The following CASK variants were observed in gnomAD, a reference collection of about 807,000 sequenced individuals.
The protein encoded by CASK is peripheral plasma membrane protein CASK.
In CASK, 4 loss-of-function variants were observed where a neutral mutation model predicts 82.9. That is an observed-to-expected ratio of 0.05 (90% CI 0.02 to 0.11). CASK has a LOEUF of 0.11. Ranked by LOEUF, CASK falls within the 10% of genes least tolerant of loss-of-function variation. The pLI is 1.00. For missense variants in CASK, 358 were observed against 720.9 expected (o/e 0.50, Z 5.76); for synonymous variants, 259 against 253.5 (o/e 1.02, Z -0.20).
rs2072816983 is a variant in CASK, at chrX:41,923,111, C to G, written c.-123G>C. 1 of 530,953 alleles carries G rather than the reference C, an allele frequency of 1.9e-6. No homozygotes were observed. The highest frequency in any genetic ancestry group is 3.2e-5 in the Admixed American group (1 of 31,736). 43.8% of individuals were successfully genotyped at this position (530,953 alleles called of 1,213,427 possible). A position where few individuals can be genotyped will look rare whatever the true frequency, so the allele number is the denominator to read the frequency against. ...CTCAGGACCCGCGAGCCCTCGGTGC[C>G]GAGGACGCTCGAGTGGGGCCGCGAG... On this transcript the variant is annotated 5_prime_UTR_variant, in exon 1 of 27. Coordinates refer to ENST00000378163, the MANE Select transcript of CASK (RefSeq NM_001367721.1).
chrX:41,684,417 G>A (rs896731976), intron 5 of CASK, among the ~76,000 whole-genome samples: 4 of 111,933 alleles, frequency 3.6e-5, no homozygotes, highest in Non-Finnish European at 5.6e-5. Context: ...GGACATTCTA[G>A]AAAGTAACTG....
At position 41,561,591 on chromosome X, in the gene CASK, T is replaced by C; in HGVS notation, c.1636A>G (p.Asn546Asp). ...TTTTGCAGTTGTTCCACTGTTTGGTTAGCCACACTGATGCCATTGATTTCT... is the reference window on the plus strand; with the variant it reads ...TTTTGCAGTTGTTCCACTGTTTGGTCAGCCACACTGATGCCATTGATTTCT... ...IREINGISVANQTVEQLQKML... is the reference protein window; with the variant it reads ...IREINGISVADQTVEQLQKML... Residue 546 changes from asparagine (N) to aspartate (D), a missense_variant, in exon 17 of 27, where the codon AAC (asparagine) becomes GAC (aspartate). By Grantham distance (23) the Asn-to-Asp change is conservative (BLOSUM62 1). Coordinates refer to ENST00000378163, the MANE Select transcript of CASK (RefSeq NM_001367721.1). 8.3e-7 allele frequency: 1 copy of C among 1,205,686 alleles called. No individual in the cohort carries two copies. The highest frequency in any genetic ancestry group is 1.1e-6 in the Non-Finnish European group (1 of 889,906).
chrX:41,901,828 A>AT (rs1292758852), intron 1 of CASK, among the ~76,000 whole-genome samples: 1 of 111,677 alleles, frequency 9.0e-6, no homozygotes, highest in African/African-American at 3.3e-5. Flanking sequence ...TGGGTCCATA[A>AT]AGCTCAATCT....
intron 2 of CASK, among the ~76,000 whole-genome samples, chrX:41,816,635 G>C (rs1382836261): frequency 2.8e-5 from 3 of 108,317 alleles, no homozygotes; most frequent in Non-Finnish European, 5.8e-5. Context: ...AAAAAAAAGA[G>C]AGAAAACACA....
chrX:41,787,241 G>A lies in CASK; in HGVS notation c.215C>T (p.Pro72Leu), dbSNP rs747541503. 8.4e-7 allele frequency: 1 copy of A among 1,194,360 alleles called. No individual in the cohort carries two copies. The highest frequency in any genetic ancestry group is 1.1e-6 in the Non-Finnish European group (1 of 879,898). ...TGTCTCCAATAACTCTACAATGTGT[G>A]GATGTTTCAGCATATGACAGATACT... Reference protein sequence around the residue: ...EASICHMLKHPHIVELLETYS... With the variant: ...EASICHMLKHLHIVELLETYS... The change falls in exon 3 of 27, where the codon CCA (proline) becomes CTA (leucine). Residue 72 changes from proline (P) to leucine (L), a missense_variant. Physicochemically the swap from Pro to Leu is moderately conservative, Grantham distance 98. Around this residue, in one of 5 missense-constraint regions of CASK, gnomAD observed 70 missense variants for 228.4 expected, o/e 0.31. Transcript: ENST00000378163.
chrX:41,587,129 TG>T, intron 13 of CASK, 142 bp from the exon 14 acceptor site: 1 of 448,773 alleles, frequency 2.2e-6, no homozygotes, highest in Non-Finnish European at 3.8e-6. Flanking sequence ...TTTATTCAAA[TG>T]TTATTAATAC....
rs1318754887 is a variant in CASK, at chrX:41,923,119, C to A, written c.-131G>T. 6 of 497,020 alleles carry A rather than the reference C, an allele frequency of 1.2e-5. No homozygotes were observed. The highest frequency in any genetic ancestry group is 2.0e-5 in the Non-Finnish European group (6 of 302,249). 41.0% of individuals were successfully genotyped at this position (497,020 alleles called of 1,213,427 possible). On this transcript the variant is annotated 5_prime_UTR_variant, in exon 1 of 27. Coordinates refer to ENST00000378163, the MANE Select transcript of CASK (RefSeq NM_001367721.1). ...CCGCGAGCCCTCGGTGCCGAGGACG[C>A]TCGAGTGGGGCCGCGAGGCCCAGAG... is the stretch of plus-strand genomic sequence containing the variant.
chrX:41,923,298 C>A lies in CASK; in HGVS notation c.-310G>T, dbSNP rs2072821765. Reference sequence around the variant, plus strand: ...GCCCGGCGTGCGGATCCTCGGGGACCGCGCGGCGTCGCGCTCTCCGCTCGT... The same window carrying A: ...GCCCGGCGTGCGGATCCTCGGGGACAGCGCGGCGTCGCGCTCTCCGCTCGT... On this transcript the variant is annotated 5_prime_UTR_variant, in exon 1 of 27. Coordinates refer to ENST00000378163, the MANE Select transcript of CASK (RefSeq NM_001367721.1). 9.3e-5 allele frequency: 10 copies of A among 107,527 alleles called. 1 individual carries two copies. Among genetic ancestry groups the A allele is most frequent in the Admixed American group, 8.6e-4 (9 of 10,454 alleles). The allele number at this position is 107,527 out of a possible 1,213,427, so 8.9% of individuals were successfully genotyped here.
At chrX:41,744,727 T>A (rs780561700) in intron 4 of CASK, among the ~76,000 whole-genome samples, 24 of 112,005 alleles carry the variant, frequency 2.1e-4, no homozygotes, top group African/African-American at 7.1e-4. Flanking sequence ...GATTGGTAGG[T>A]CTCACACTGG....
chrX:41,751,214 C>T (rs2068782034), intron 3 of CASK, among the ~76,000 whole-genome samples: 2 of 111,748 alleles, frequency 1.8e-5, no homozygotes, highest in African/African-American at 6.5e-5. Flanking sequence ...TCTGAAGTAG[C>T]TGTGACTACA....
At chrX:41,809,652 A>C (rs990167970) in intron 2 of CASK, among the ~76,000 whole-genome samples, 2 of 112,147 alleles carry the variant, frequency 1.8e-5, no homozygotes, top group African/African-American at 6.5e-5. Context: ...AACAGAGCAG[A>C]AAAGCTGAAA....
intron 2 of CASK, among the ~76,000 whole-genome samples, chrX:41,841,512 T>C (rs1256221709): frequency 3.5e-5 from 3 of 84,700 alleles, no homozygotes; most frequent in Non-Finnish European, 4.7e-5. Context: ...TTCCTTTTTG[T>C]TTTTTTTTTT....
chrX:41,712,069 C>A (rs190829806), intron 5 of CASK, among the ~76,000 whole-genome samples: 2 of 112,556 alleles, frequency 1.8e-5, no homozygotes, highest in Non-Finnish European at 1.9e-5. Context: ...GGTAGGGGGG[C>A]GTTGCTGGCC....
intron 11 of CASK, among the ~76,000 whole-genome samples, chrX:41,610,906 A>G (rs1291299517): frequency 1.8e-5 from 2 of 112,282 alleles, no homozygotes; most frequent in Non-Finnish European, 3.8e-5. Flanking sequence ...AAAGAGCTCC[A>G]AGGAGCTAAG....
At chrX:41,624,139 ACTGGAT>A (rs2066329463) in intron 10 of CASK, 3 of 315,832 alleles carry the variant, frequency 9.5e-6, no homozygotes, top group Non-Finnish European at 1.8e-5. Context: ...ACAAACCATT[ACTGGAT>A]CCACTCCCCT....
At chrX:41,609,115 T>G (rs2066001791) in intron 12 of CASK, among the ~76,000 whole-genome samples, 1 of 112,444 alleles carries the variant, frequency 8.9e-6, no homozygotes, top group African/African-American at 3.2e-5. Context: ...ATACTGTATT[T>G]CTTTTTTCTT....
intron 2 of CASK, among the ~76,000 whole-genome samples, chrX:41,845,573 C>A (rs921570491): frequency 3.6e-5 from 4 of 111,375 alleles, no homozygotes; most frequent in Non-Finnish European, 5.7e-5. Flanking sequence ...TACTCATTTA[C>A]TTTCAACTTA....
intron 3 of CASK, among the ~76,000 whole-genome samples, chrX:41,756,094 C>T (rs1355671574): frequency 1.8e-5 from 2 of 112,004 alleles, no homozygotes; most frequent in Non-Finnish European, 3.8e-5. Flanking sequence ...GGAAGAATAA[C>T]ACCTCTTGGA....
At chrX:41,771,404 A>G (rs1198844347) in intron 3 of CASK, among the ~76,000 whole-genome samples, 1 of 112,375 alleles carries the variant, frequency 8.9e-6, no homozygotes, top group Non-Finnish European at 1.9e-5. Flanking sequence ...AAGAATAAAG[A>G]ACAAACAAAG....
Sources: allele counts gnomAD v4.1 joint callset (sites outside exome capture counted in the v4.1 genomes callset), GRCh38; gene constraint gnomAD v4.1.1; regional missense constraint gnomAD v4.1.1; transcripts MANE v1.5; gene names NCBI Gene and HGNC (gene_info 2026-07-23, HGNC 2026-07-21).